Variants in TARS2 observed in about 807,000 individuals in gnomAD.
TARS2 encodes the protein threonyl-tRNA synthetase 2, mitochondrial, also known as threonine--tRNA ligase, mitochondrial.
In TARS2, 61 loss-of-function variants were observed where a neutral mutation model predicts 94.4. The ratio of observed to expected loss-of-function variants is 0.65; its 90% confidence interval spans 0.53 to 0.80. The LOEUF (loss-of-function observed/expected upper bound fraction) is 0.80, where lower values mean the gene tolerates loss of function less well. Among genes scored for constraint, TARS2 ranks in the 30% least tolerant of loss-of-function variants. The pLI is 0.00. For synonymous variants in TARS2, 359 were observed against 353.4 expected, an observed-to-expected ratio of 1.02 and a Z score of -0.18; for missense variants, 704 against 902.5, an observed-to-expected ratio of 0.78 and a Z score of 2.82.
rs1380502043 is a variant in TARS2, at chr1:150,507,138, T to A, written c.*74T>A. Reference sequence around the variant, plus strand: ...CTCACATGGGAGACCCCAACCCAGCTGACAATGTGGAGCCCCCAGAACTTC... The same window carrying A: ...CTCACATGGGAGACCCCAACCCAGCAGACAATGTGGAGCCCCCAGAACTTC... On this transcript the variant is annotated 3_prime_UTR_variant, in exon 18 of 18. Transcript: ENST00000369064. The A allele has an allele frequency of 6.3e-7, 1 of 1,584,534 alleles. No individual in the cohort carries two copies. The highest frequency in any genetic ancestry group is 8.6e-7 in the Non-Finnish European group (1 of 1,162,928).
Position 150,492,483 on chromosome 1 carries a change from G to C in TARS2, c.768G>C (p.Leu256=). 2 of 1,613,654 alleles carry C rather than the reference G, an allele frequency of 1.2e-6. No homozygotes were observed. The highest frequency in any genetic ancestry group is 1.7e-6 in the Non-Finnish European group (2 of 1,179,816). ...RHTGQIGGLK[L]LSNSSSLWRS... The stretch of plus-strand genomic sequence containing the variant: ...CTGGACAGATTGGAGGACTGAAGCT[G>C]CTATCGGTCAGTTGTGGGACAGAGT... Residue 256 remains leucine (L), a synonymous_variant, in exon 7 of 18, where the codon CTG becomes CTC. Coordinates refer to ENST00000369064, the MANE Select transcript of TARS2 (RefSeq NM_025150.5).
chr1:150,491,625 G>A lies in TARS2; in HGVS notation c.658G>A (p.Glu220Lys). 6.2e-7 allele frequency: 1 copy of A among 1,614,116 alleles called. No homozygotes were observed. The highest frequency in any genetic ancestry group is 8.5e-7 in the Non-Finnish European group (1 of 1,180,036). Residue 220 changes from glutamate (E) to lysine (K), a missense_variant, in exon 6 of 18, where the codon GAG becomes AAG. Physicochemically the swap from Glu to Lys is moderately conservative, Grantham distance 56. Transcript: ENST00000369064. ...KDNPFKLHLI[E>K]EKVTGPTATV... ...TAACCCCTTTAAGCTTCACTTGATT[G>A]AGGAGAAAGTGACAGGTCCAACAGC...
At chr1:150,504,137 A>T (rs1670088964) in intron 13 of TARS2, among the ~76,000 whole-genome samples, 198 bp from the exon 14 acceptor site, 1 of 152,058 alleles carries the variant, frequency 6.6e-6, no homozygotes, top group Admixed American at 6.6e-5. Context: ...AGATGGAGAG[A>T]GCTGCTGAGA....
chr1:150,494,403 C>A (rs1669552520), intron 7 of TARS2, among the ~76,000 whole-genome samples: 1 of 148,204 alleles, frequency 6.7e-6, no homozygotes, highest in African/African-American at 2.5e-5. Context: ...ATAATGAAAA[C>A]CAACTAATTC....
chr1:150,490,740 G>A lies in TARS2; in HGVS notation c.512+15G>A, dbSNP rs774476457. The stretch of plus-strand genomic sequence containing the variant: ...GGAAAGGAGAGGTGAGTAATGAAAG[G>A]AAGGAGGAGAATGATTCTGGGATGG... On this transcript the variant is annotated intron_variant, in intron 4 of 17. Transcript: ENST00000369064. 4 of 1,613,238 alleles carry A rather than the reference G, an allele frequency of 2.5e-6. No individual in the cohort carries two copies. The highest frequency in any genetic ancestry group is 1.1e-5 in the South Asian group (1 of 91,036).
rs1243906985 is a variant in TARS2, at chr1:150,489,088, G to GT, written c.387+2dup. Reference sequence around the variant, plus strand: ...ATTCGATTCCCCAGAGGGGAAAGCAGTAAGTTTCTTTCTTATCAGGAATAC... The same window carrying GT: ...ATTCGATTCCCCAGAGGGGAAAGCAGTTAAGTTTCTTTCTTATCAGGAATAC... On this transcript the variant is annotated splice_donor_variant, in intron 3 of 17. Transcript: ENST00000369064. LOFTEE classifies it high-confidence loss of function. 15 of 1,614,006 alleles carry GT rather than the reference G, an allele frequency of 9.3e-6. No individual in the cohort carries two copies. The highest frequency in any genetic ancestry group is 1.3e-5 in the Non-Finnish European group (15 of 1,180,002).
chr1:150,497,766 T>C lies in TARS2; in HGVS notation c.1238+19T>C. ...CACACTGGTAAGCTGGGAGCTAGGG[T>C]TACAATCAGGTTGCTAAATATTAAA... On this transcript the variant is annotated intron_variant, in intron 10 of 17. Coordinates refer to ENST00000369064, the MANE Select transcript of TARS2 (RefSeq NM_025150.5). 1.2e-6 allele frequency: 2 copies of C among 1,608,566 alleles called. No homozygotes were observed. The highest frequency in any genetic ancestry group is 1.7e-6 in the Non-Finnish European group (2 of 1,177,098).
intron 13 of TARS2, among the ~76,000 whole-genome samples, chr1:150,501,427 C>T (rs1054483920): frequency 3.4e-5 from 5 of 145,730 alleles, no homozygotes; most frequent in African/African-American, 7.6e-5. Flanking sequence ...ACGCCATTCT[C>T]CTGTCTCAGC....
intron 13 of TARS2, among the ~76,000 whole-genome samples, chr1:150,502,853 T>C (rs1276907273): frequency 6.6e-6 from 1 of 152,230 alleles, no homozygotes; most frequent in Non-Finnish European, 1.5e-5. Flanking sequence ...TTAACAGTAA[T>C]GAAAGTGTGT....
intron 7 of TARS2, among the ~76,000 whole-genome samples, chr1:150,494,974 G>T (rs1409841027): frequency 6.6e-6 from 1 of 152,008 alleles, no homozygotes; most frequent in East Asian, 1.9e-4. Flanking sequence ...GAGGTCAGGA[G>T]ATCGAGACCA....
In TARS2 at chr1:150,496,364, G is replaced by T. The variant is rs1244407543; in HGVS notation, c.775-118G>T. ...GATGGAGGTGTTCATCCTACTGGTG[G>T]GATTGTTGTCAAGAGGCATACCTGT... On this transcript the variant is annotated intron_variant, in intron 7 of 17. Coordinates refer to ENST00000369064, the MANE Select transcript of TARS2 (RefSeq NM_025150.5). 4 of 1,208,290 alleles carry T rather than the reference G, an allele frequency of 3.3e-6. No individual in the cohort carries two copies. In the African/African-American group the frequency reaches 6.1e-5, roughly 18 times the overall value. The allele number at this position is 1,208,290 out of a possible 1,614,324, so 74.8% of individuals were successfully genotyped here.
chr1:150,495,608 C>G (rs1275287786), intron 7 of TARS2, among the ~76,000 whole-genome samples: 1 of 146,662 alleles, frequency 6.8e-6, no homozygotes, highest in Non-Finnish European at 1.5e-5. Flanking sequence ...GTTGGTCAGG[C>G]TGGTCTTGAA....
Position 150,498,934 on chromosome 1 carries a change from G to GTTCCGTCTAT in TARS2, c.1440_1449dup (p.Ala484PhefsTer36). 1 of 1,614,092 alleles carries GTTCCGTCTAT rather than the reference G, an allele frequency of 6.2e-7. No homozygotes were observed. The highest frequency in any genetic ancestry group is 8.5e-7 in the Non-Finnish European group (1 of 1,180,028). On this transcript the variant is annotated frameshift_variant, in exon 12 of 18. Transcript: ENST00000369064. LOFTEE classifies it high-confidence loss of function. Reference sequence around the variant, plus strand: ...ATCCAAAGCTGTCTTGATTTCCTCCGTTCCGTCTATGCCGTTCTTGGCTTC... The same window carrying GTTCCGTCTAT: ...ATCCAAAGCTGTCTTGATTTCCTCCGTTCCGTCTATTTCCGTCTATGCCGTTCTTGGCTTC...
intron 13 of TARS2, among the ~76,000 whole-genome samples, chr1:150,500,143 C>T (rs1669847913): frequency 1.3e-5 from 2 of 152,056 alleles, no homozygotes; most frequent in South Asian, 4.2e-4. Flanking sequence ...CCCCACTGCA[C>T]TCCAGCCTGG....
chr1:150,492,267 G>A, intron 6 of TARS2, 144 bp from the exon 7 acceptor site: 1 of 830,696 alleles, frequency 1.2e-6, no homozygotes, highest in Non-Finnish European at 1.9e-6. Flanking sequence ...CCCTGCCAGG[G>A]AATTGATTTT....
chr1:150,492,133 T>C, intron 6 of TARS2: 1 of 332,294 alleles, frequency 3.0e-6, no homozygotes, highest in Non-Finnish European at 5.7e-6. Flanking sequence ...GCCTAGCTAA[T>C]TTTTATATTT....
At chr1:150,488,921 G>T in intron 2 of TARS2, 43 bp from the exon 3 acceptor site, 2 of 1,598,628 alleles carry the variant, frequency 1.3e-6, no homozygotes, top group Admixed American at 1.8e-5. Flanking sequence ...TTTGTGCCTT[G>T]TAACCCTGTC....
intron 13 of TARS2, among the ~76,000 whole-genome samples, chr1:150,503,627 A>ATGTGTG (rs1560257509): frequency 1.6e-5 from 2 of 123,790 alleles, no homozygotes; most frequent in Non-Finnish European, 3.4e-5. Flanking sequence ...ATGTGTGTGT[A>ATGTGTG]TATATGTGTG....
At chr1:150,499,099 C>T in intron 12 of TARS2, 65 bp downstream of exon 12, 2 of 1,612,338 alleles carry the variant, frequency 1.2e-6, no homozygotes, top group South Asian at 1.1e-5. Context: ...GTGGAGAATA[C>T]AGTAATCAAG....
Sources: allele counts gnomAD v4.1 joint callset (sites outside exome capture counted in the v4.1 genomes callset), GRCh38; gene constraint gnomAD v4.1.1; transcripts MANE v1.5; gene names NCBI Gene and HGNC (gene_info 2026-07-23, HGNC 2026-07-21).